Variants in NXN observed in about 807,000 individuals in gnomAD.
The protein encoded by NXN is nucleoredoxin.
A neutral mutation model predicts 48.6 loss-of-function variants in NXN; 16 were observed. That is an observed-to-expected ratio of 0.33 (90% CI 0.22 to 0.50). The LOEUF is 0.50. NXN is among the 20% of genes least tolerant of loss of function. The probability of loss-of-function intolerance (pLI) is 0.98; values close to 1 mark genes in which losing one functional copy is unlikely to be tolerated. For missense variants in NXN, 492 were observed against 605.5 expected (o/e 0.81, Z 1.97); for synonymous variants, 281 against 269.6 (o/e 1.04, Z -0.41).
chr17:957,905 C>T (rs1165647371), intron 1 of NXN, among the ~76,000 whole-genome samples: 1 of 152,186 alleles, frequency 6.6e-6, no homozygotes, highest in Non-Finnish European at 1.5e-5. Flanking sequence ...ACCTCCACGT[C>T]AGCATCGCCC....
chr17:830,609 G>C lies in NXN; in HGVS notation c.361-4531C>G, dbSNP rs1325922146. Reference sequence around the variant, plus strand: ...GGGCGGCGGCTGTGATGAGGTCAGAGATCATCATAAGATTTGTGAACCACA... The same window carrying C: ...GGGCGGCGGCTGTGATGAGGTCAGACATCATCATAAGATTTGTGAACCACA... On this transcript the variant is annotated intron_variant, in intron 1 of 7. Coordinates refer to ENST00000336868, the MANE Select transcript of NXN (RefSeq NM_022463.5). The surrounding 1 kb of genome is among the most constrained non-coding windows in gnomAD (Gnocchi z 4.2). 6.6e-6 allele frequency among the ~76,000 whole-genome samples: 1 copy of C among 152,198 alleles called. No homozygotes were observed. Among genetic ancestry groups the C allele is most frequent in the East Asian group, 1.9e-4 (1 of 5,198 alleles).
intron 1 of NXN, among the ~76,000 whole-genome samples, chr17:891,013 A>G (rs1440728610): frequency 9.1e-6 from 1 of 109,916 alleles, no homozygotes; most frequent in Non-Finnish European, 2.0e-5. Flanking sequence ...CAATCAATCT[A>G]TCTATCGGTC....
intron 1 of NXN, among the ~76,000 whole-genome samples, chr17:833,858 A>C (rs1913634370): frequency 6.6e-6 from 1 of 152,154 alleles, no homozygotes; most frequent in Non-Finnish European, 1.5e-5. Flanking sequence ...CGAAAACCTA[A>C]GATGACGTTA....
rs189270231 is a variant in NXN, at chr17:821,758, A to C, written c.713+599T>G. 7.2e-3 allele frequency among the ~76,000 whole-genome samples: 1,097 copies of C among 151,454 alleles called. 15 individuals carry two copies. The highest frequency in any genetic ancestry group is 0.026 in the African/African-American group (1,051 of 41,186). ...AGAGCGAGACTCCGTCTCAAAAAAA[A>C]CCCAAAAAACAAAAAACAGCCATCC... On this transcript the variant is annotated intron_variant, in intron 4 of 7. Transcript: ENST00000336868.
intron 1 of NXN, among the ~76,000 whole-genome samples, chr17:976,673 GC>G (rs2069462522): frequency 4.6e-5 from 7 of 152,198 alleles, no homozygotes; most frequent in African/African-American, 1.7e-4. Context: ...TAGCTCACGG[GC>G]TTCTAAGCAC....
At chr17:854,852 G>A (rs969054565) in intron 1 of NXN, among the ~76,000 whole-genome samples, 10 of 151,814 alleles carry the variant, frequency 6.6e-5, no homozygotes, top group South Asian at 4.2e-4. Flanking sequence ...CCAGCTACTC[G>A]GGAGACTGAG....
chr17:803,854 C>A (rs779692466), intron 6 of NXN, 48 bp from the exon 7 acceptor site: 7 of 1,609,682 alleles, frequency 4.3e-6, no homozygotes, highest in Admixed American at 1.7e-5. Flanking sequence ...AAAGCACTGG[C>A]TTGTCAAACA....
Position 943,556 on chromosome 17 carries a change from T to G in NXN, c.360+35763A>C, listed in dbSNP as rs140922975. ...ATATTACCGGGCTGGGCACAGTGGC[T>G]CACGCCTGTAATCCCAGCAGTTTGG... On this transcript the variant is annotated intron_variant, in intron 1 of 7. Transcript: ENST00000336868. 4.5e-3 allele frequency among the ~76,000 whole-genome samples: 682 copies of G among 152,322 alleles called. 12 individuals are homozygous for G. The East Asian group carries it at 0.049, about 11-fold the overall frequency.
chr17:834,050 T>C (rs568649200), intron 1 of NXN, among the ~76,000 whole-genome samples: 8 of 152,334 alleles, frequency 5.3e-5, no homozygotes, highest in African/African-American at 1.9e-4. Context: ...CCAGGTGCGG[T>C]GGCTCACGCC....
At chr17:898,242 C>A (rs1214324790) in intron 1 of NXN, among the ~76,000 whole-genome samples, 8 of 152,082 alleles carry the variant, frequency 5.3e-5, no homozygotes, top group Middle Eastern at 3.2e-3. Flanking sequence ...TCTTTACCAT[C>A]CCCCCAAGAC....
chr17:841,590 G>A (rs1476691615), intron 1 of NXN, among the ~76,000 whole-genome samples: 11 of 58,924 alleles, frequency 1.9e-4, no homozygotes, highest in African/African-American at 2.8e-4. Flanking sequence ...TCACGCCGGC[G>A]AGCAGGTCCC....
intron 1 of NXN, among the ~76,000 whole-genome samples, chr17:965,640 G>C (rs1210896856): frequency 2.0e-5 from 3 of 152,082 alleles, no homozygotes; most frequent in Non-Finnish European, 4.4e-5. Context: ...AAGGTGTCTA[G>C]CGGCATAACC....
chr17:805,278 G>A (rs369148511), intron 5 of NXN, 31 bp from the exon 6 acceptor site: 1,367 of 1,585,480 alleles, frequency 8.6e-4, no homozygotes, highest in Non-Finnish European at 1.1e-3. Flanking sequence ...TTGGCCGCTG[G>A]CCCGGGAGAT....
intron 1 of NXN, among the ~76,000 whole-genome samples, chr17:840,885 G>A (rs978780551): frequency 6.6e-5 from 10 of 152,168 alleles, no homozygotes; most frequent in African/African-American, 2.4e-4. Context: ...TTCTCTTAGG[G>A]TGAACACAAA....
At chr17:865,580 C>T (rs926192084) in intron 1 of NXN, among the ~76,000 whole-genome samples, 2 of 152,146 alleles carry the variant, frequency 1.3e-5, no homozygotes, top group African/African-American at 4.8e-5. Context: ...CAGTCTCTCC[C>T]CTCCAAGAAG....
intron 1 of NXN, chr17:910,546 G>T (rs565976352): frequency 1.6e-4 from 25 of 152,134 alleles, no homozygotes; most frequent in Admixed American, 9.8e-4. Context: ...TTTTTTAGAA[G>T]AATTTATCAT....
At chr17:936,650 G>A (rs1453171991) in intron 1 of NXN, among the ~76,000 whole-genome samples, 3 of 150,530 alleles carry the variant, frequency 2.0e-5, no homozygotes, top group Admixed American at 6.7e-5. Context: ...AACAGTGAGG[G>A]AAAAAAAGGG....
intron 1 of NXN, among the ~76,000 whole-genome samples, chr17:936,091 CAA>C (rs71371597): frequency 0.06 from 3,727 of 61,726 alleles, 65 homozygotes; most frequent in Middle Eastern, 0.12. Context: ...GATTCCATCT[CAA>C]AAAAAAAAAA....
At chr17:863,759 G>A (rs573347618) in intron 1 of NXN, 142 of 606,964 alleles carry the variant, frequency 2.3e-4, no homozygotes, top group East Asian at 6.9e-4. Flanking sequence ...CTCTGCACCT[G>A]GCTGACACTG....
Sources: allele counts gnomAD v4.1 joint callset (sites outside exome capture counted in the v4.1 genomes callset), GRCh38; gene constraint gnomAD v4.1.1; non-coding constraint Gnocchi (gnomAD v3.1); transcripts MANE v1.5; gene names NCBI Gene and HGNC (gene_info 2026-07-23, HGNC 2026-07-21).